Variants in SDK1 observed in about 807,000 individuals in gnomAD.
The protein encoded by SDK1 is protein sidekick-1.
In SDK1, 157 loss-of-function variants were observed where a neutral mutation model predicts 245.5. That is an observed-to-expected ratio of 0.64 (90% CI 0.56 to 0.73). SDK1 has a LOEUF of 0.73. Among genes scored for constraint, SDK1 ranks in the 30% least tolerant of loss-of-function variants. SDK1 has a pLI of 0.00. For missense variants in SDK1, 3,583 were observed against 3,002.3 expected, an observed-to-expected ratio of 1.19 and a Z score of -4.52; for synonymous variants, 1,647 against 1,278.5, an observed-to-expected ratio of 1.29 and a Z score of -6.15.
intron 4 of SDK1, among the ~76,000 whole-genome samples, chr7:3,731,193 C>T (rs1176943489): frequency 6.6e-6 from 1 of 152,176 alleles, no homozygotes; most frequent in Non-Finnish European, 1.5e-5. Context: ...GGATGGCCTC[C>T]AATAGATCCC....
At chr7:3,583,565 A>G (rs1485384588) in intron 1 of SDK1, among the ~76,000 whole-genome samples, 1 of 152,164 alleles carries the variant, frequency 6.6e-6, no homozygotes, top group African/African-American at 2.4e-5. Flanking sequence ...TTCACTGAGT[A>G]ACTAGTAAGT....
Position 3,790,435 on chromosome 7 carries a change from T to A in SDK1, c.714-31015T>A, listed in dbSNP as rs556719827. 5.3e-5 allele frequency among the ~76,000 whole-genome samples: 8 copies of A among 151,862 alleles called. No individual in the cohort carries two copies. In the East Asian group the frequency reaches 9.8e-4, roughly 19 times the overall value. ...TGCAAAACCAGTCTGCAGAGAATAG[T>A]GTGGAAAGGTGGGTTTGGAGCTGAG... On this transcript the variant is annotated intron_variant, in intron 4 of 44. Coordinates refer to ENST00000404826, the MANE Select transcript of SDK1 (RefSeq NM_152744.4).
At chr7:4,009,916 G>A (rs903639739) in intron 14 of SDK1, among the ~76,000 whole-genome samples, 2 of 152,206 alleles carry the variant, frequency 1.3e-5, no homozygotes, top group African/African-American at 4.8e-5. Flanking sequence ...CCGCGGTTGG[G>A]GCTGCAGGTT....
At chr7:3,534,525 T>C (rs1778813866) in intron 1 of SDK1, among the ~76,000 whole-genome samples, 1 of 152,186 alleles carries the variant, frequency 6.6e-6, no homozygotes, top group Admixed American at 6.5e-5. Flanking sequence ...TTCAAATTTC[T>C]CCACATCCTC....
At chr7:3,861,282 A>T (rs948713171) in intron 5 of SDK1, among the ~76,000 whole-genome samples, 1 of 152,234 alleles carries the variant, frequency 6.6e-6, no homozygotes, top group Non-Finnish European at 1.5e-5. Flanking sequence ...CAGGAAAGAC[A>T]TTGCTGTCAT....
intron 21 of SDK1, among the ~76,000 whole-genome samples, chr7:4,079,016 G>GGGCCT (rs1780884381): frequency 6.6e-6 from 1 of 152,172 alleles, no homozygotes; most frequent in African/African-American, 2.4e-5. Flanking sequence ...GAGCAACCCT[G>GGGCCT]GGCCTATGCA....
chr7:3,884,231 C>A (rs1781283951), intron 5 of SDK1, among the ~76,000 whole-genome samples: 1 of 152,098 alleles, frequency 6.6e-6, no homozygotes, highest in South Asian at 2.1e-4. Flanking sequence ...CAGGCGTGAG[C>A]CACTGCACCC....
chr7:4,210,764 C>G (rs1784470482), intron 38 of SDK1, among the ~76,000 whole-genome samples: 1 of 152,218 alleles, frequency 6.6e-6, no homozygotes. Context: ...TTTATCAGGT[C>G]CCTGGCTTTC....
At chr7:3,655,133 A>G (rs1216754894) in intron 4 of SDK1, among the ~76,000 whole-genome samples, 1 of 151,064 alleles carries the variant, frequency 6.6e-6, no homozygotes, top group Non-Finnish European at 1.5e-5. Context: ...TTTTAAATGC[A>G]TATAATAGTA....
At chr7:3,764,170 G>A (rs150308671) in intron 4 of SDK1, among the ~76,000 whole-genome samples, 1 of 152,052 alleles carries the variant, frequency 6.6e-6, no homozygotes, top group Non-Finnish European at 1.5e-5. Context: ...ATTCTGTTGT[G>A]AATGGGGATT....
intron 1 of SDK1, chr7:3,302,467 T>A (rs1435242668): frequency 3.3e-5 from 5 of 152,186 alleles, no homozygotes; most frequent in African/African-American, 1.2e-4. Flanking sequence ...GCTTTGTTTT[T>A]CTCCCTCTAT....
intron 5 of SDK1, among the ~76,000 whole-genome samples, chr7:3,917,328 AGT>A (rs1001633815): frequency 7.2e-5 from 11 of 152,160 alleles, no homozygotes; most frequent in African/African-American, 2.4e-4. Context: ...GGTAGTTATG[AGT>A]GTGATGCAGG....
intron 4 of SDK1, among the ~76,000 whole-genome samples, chr7:3,776,289 G>A (rs1166442070): frequency 6.6e-6 from 1 of 152,142 alleles, no homozygotes; most frequent in Non-Finnish European, 1.5e-5. Flanking sequence ...GTATGCAAAG[G>A]GCCATGGGAA....
At chr7:4,022,022 A>T (rs1209996473) in intron 17 of SDK1, among the ~76,000 whole-genome samples, 1 of 152,052 alleles carries the variant, frequency 6.6e-6, no homozygotes, top group African/African-American at 2.4e-5. Context: ...CTAAATGCTT[A>T]TTTGCTGCTG....
At chr7:3,576,147 C>T (rs1469786206) in intron 1 of SDK1, among the ~76,000 whole-genome samples, 1 of 152,130 alleles carries the variant, frequency 6.6e-6, no homozygotes, top group Non-Finnish European at 1.5e-5. Flanking sequence ...TCAGAATTTT[C>T]TACTAGACCA....
In SDK1 at chr7:3,619,047, A is replaced by AGTTTT. The variant is rs562681422; in HGVS notation, c.299-17_299-13dup. ...TGAGTGCCACTTTCATGCGTACTTC[A>AGTTTT]GTTTTGTTTTGTTTTGTTTTTTAAT... On this transcript the variant is annotated intron_variant, in intron 1 of 44. Transcript: ENST00000404826. 1.4e-4 allele frequency: 211 copies of AGTTTT among 1,496,380 alleles called. 3 individuals carry two copies. The East Asian group carries it at 2.9e-3, about 20-fold the overall frequency. 92.7% of individuals were successfully genotyped at this position (1,496,380 alleles called of 1,614,324 possible).
In SDK1 at chr7:4,035,059, A is replaced by G. The variant is rs142734044; in HGVS notation, c.2603-14289A>G. 7.5e-3 allele frequency among the ~76,000 whole-genome samples: 1,139 copies of G among 152,302 alleles called. 17 individuals carry two copies. The highest frequency in any genetic ancestry group is 0.025 in the African/African-American group (1,040 of 41,550). Reference sequence around the variant, plus strand: ...AGTGGCACAGTCTTGGCTCACCGCAACTTCCACCTCCCGGGTTCAAGCAAT... The same window carrying G: ...AGTGGCACAGTCTTGGCTCACCGCAGCTTCCACCTCCCGGGTTCAAGCAAT... On this transcript the variant is annotated intron_variant, in intron 17 of 44. Coordinates refer to ENST00000404826, the MANE Select transcript of SDK1 (RefSeq NM_152744.4).
chr7:3,920,197 C>G (rs1779538638), intron 5 of SDK1, among the ~76,000 whole-genome samples: 1 of 152,164 alleles, frequency 6.6e-6, no homozygotes, highest in African/African-American at 2.4e-5. Flanking sequence ...GCTGTGCATC[C>G]TGAGTCTTCT....
chr7:3,308,071 A>G (rs563306573), intron 1 of SDK1, among the ~76,000 whole-genome samples: 8 of 152,296 alleles, frequency 5.3e-5, no homozygotes, highest in African/African-American at 1.9e-4. Flanking sequence ...CTAACACATG[A>G]TATATTTACT....
Sources: allele counts gnomAD v4.1 joint callset (sites outside exome capture counted in the v4.1 genomes callset), GRCh38; gene constraint gnomAD v4.1.1; transcripts MANE v1.5; gene names NCBI Gene and HGNC (gene_info 2026-07-23, HGNC 2026-07-21).